Variants in TCP11 observed in about 807,000 individuals in gnomAD.
The protein encoded by TCP11 is T-complex protein 11 homolog.
A neutral mutation model predicts 45.0 loss-of-function variants in TCP11; 34 were observed. That is an observed-to-expected ratio of 0.76 (90% confidence interval 0.57 to 1.01). The LOEUF (loss-of-function observed/expected upper bound fraction) is 1.01, where lower values mean the gene tolerates loss of function less well. TCP11 is among the 50% of genes least tolerant of loss of function. The probability of loss-of-function intolerance (pLI) is 0.00; values close to 1 mark genes in which losing one functional copy is unlikely to be tolerated. For synonymous variants in TCP11, 227 were observed against 227.0 expected (o/e 1.00, Z 0.00); for missense variants, 523 against 598.1 (o/e 0.87, Z 1.31).
intron 5 of TCP11, 117 bp downstream of exon 5, chr6:35,122,000 G>T: frequency 2.1e-6 from 2 of 969,458 alleles, no homozygotes; most frequent in African/African-American, 1.6e-5. Context: ...AAGGGTGTTA[G>T]TCAGGTCTTT....
chr6:35,131,507 G>T (rs1295334617), intron 3 of TCP11, among the ~76,000 whole-genome samples: 2 of 152,088 alleles, frequency 1.3e-5, no homozygotes, highest in Non-Finnish European at 2.9e-5. Flanking sequence ...GGCGGAGGTT[G>T]CAGTGAGCCG....
chr6:35,140,224 C>G (rs1781567118), intron 2 of TCP11: 1 of 1,515,396 alleles, frequency 6.6e-7, no homozygotes, highest in East Asian at 2.6e-5. Context: ...TAGTTACGTT[C>G]TCTGGAGATT....
intron 3 of TCP11, among the ~76,000 whole-genome samples, chr6:35,133,271 G>A (rs966654407): frequency 2.6e-5 from 4 of 151,918 alleles, no homozygotes; most frequent in African/African-American, 9.7e-5. Context: ...TGACCTCCCA[G>A]GCTCAAGTAA....
chr6:35,139,211 A>AC (rs1781449138), intron 2 of TCP11, among the ~76,000 whole-genome samples: 2 of 151,940 alleles, frequency 1.3e-5, no homozygotes, highest in African/African-American at 4.8e-5. Context: ...TAAAAAAAAA[A>AC]AAACCCATCA....
chr6:35,141,225 G>T lies in TCP11; in HGVS notation c.-35C>A. The T allele has an allele frequency of 7.1e-7, 1 of 1,406,348 alleles. No individual in the cohort carries two copies. Among genetic ancestry groups the T allele is most frequent in the Non-Finnish European group, 9.2e-7 (1 of 1,082,212 alleles). The allele number at this position is 1,406,348 out of a possible 1,614,324, so 87.1% of individuals were successfully genotyped here. The stretch of plus-strand genomic sequence containing the variant: ...GTCACCTCCTCCTCCCCCGCCGCGG[G>T]TCATCCACTGGCGTCCGCTCGGTGG... On this transcript the variant is annotated 5_prime_UTR_variant, in exon 1 of 10. Coordinates refer to ENST00000311875, the MANE Select transcript of TCP11 (RefSeq NM_001370687.1).
intron 5 of TCP11, 38 bp from the exon 6 acceptor site, chr6:35,121,083 C>A: frequency 1.7e-5 from 26 of 1,558,600 alleles, no homozygotes; most frequent in Non-Finnish European, 2.1e-5. Context: ...TACTACTAAG[C>A]TAGAAACCCA....
Position 35,120,438 on chromosome 6 carries a change from C to T in TCP11, c.924G>A (p.Glu308=). 1 of 1,592,448 alleles carries T rather than the reference C, an allele frequency of 6.3e-7. No homozygotes were observed. The highest frequency in any genetic ancestry group is 8.6e-7 in the Non-Finnish European group (1 of 1,169,184). Residue 308 remains glutamate, a synonymous_variant, in exon 7 of 10, where the codon GAG becomes GAA. Coordinates refer to ENST00000311875, the MANE Select transcript of TCP11 (RefSeq NM_001370687.1). The surrounding 1 kb of genome is among the most constrained non-coding windows in gnomAD (Gnocchi z 4.9). ...NLLLWDLENE[E]FPETLLMDRT... is the part of the protein sequence containing the mutation. ...CCCCAGACATTCCTACCTCAGGGAA[C>T]TCTTCATTTTCAAGGTCCCAGAGAA...
chr6:35,118,636 A>C (rs1425267636), intron 9 of TCP11, 135 bp from the exon 10 acceptor site: 5 of 778,172 alleles, frequency 6.4e-6, no homozygotes, highest in Non-Finnish European at 1.0e-5. Context: ...GAGATAATGA[A>C]ATTTGTTTTG....
At chr6:35,138,051 A>C (rs1353398012) in intron 2 of TCP11, among the ~76,000 whole-genome samples, 1 of 152,216 alleles carries the variant, frequency 6.6e-6, no homozygotes, top group Non-Finnish European at 1.5e-5. Context: ...ATCTCACCCC[A>C]GTTAAAATGG....
rs1410064812 is a variant in TCP11, at chr6:35,120,666, G to C, written c.716-20C>G. ...GGAGACCTATGACAGGTAAGGGAGTGTGTAAGCATCTTTAGCATCTTCATC... is the reference window on the plus strand; with the variant it reads ...GGAGACCTATGACAGGTAAGGGAGTCTGTAAGCATCTTTAGCATCTTCATC... On this transcript the variant is annotated intron_variant, in intron 6 of 9. Coordinates refer to ENST00000311875, the MANE Select transcript of TCP11 (RefSeq NM_001370687.1). This position sits in a 1 kb window ranked among gnomAD's most constrained non-coding sequence, Gnocchi z 4.9. The C allele has an allele frequency of 6.2e-7, 1 of 1,602,226 alleles. No individual in the cohort carries two copies. The highest frequency in any genetic ancestry group is 1.7e-5 in the Admixed American group (1 of 58,690).
intron 4 of TCP11, 183 bp downstream of exon 4, chr6:35,128,879 A>G (rs753029281): frequency 1.2e-4 from 85 of 717,590 alleles, no homozygotes; most frequent in Middle Eastern, 4.3e-4. Flanking sequence ...CATTTCTCCT[A>G]CTCTCTGTTA....
At chr6:35,139,993 T>C in intron 2 of TCP11, 3 of 1,612,990 alleles carry the variant, frequency 1.9e-6, no homozygotes, top group Non-Finnish European at 2.5e-6. Flanking sequence ...AAATTGTGTG[T>C]ACAAAAAAAC....
intron 5 of TCP11, among the ~76,000 whole-genome samples, chr6:35,121,903 G>C (rs1779302496): frequency 6.7e-6 from 1 of 148,970 alleles, no homozygotes; most frequent in Non-Finnish European, 1.5e-5. Context: ...GTATTACAGA[G>C]GGGGGGCCCA....
In TCP11 at chr6:35,120,647, C is replaced by A; in HGVS notation, c.716-1G>T. The A allele has an allele frequency of 6.2e-7, 1 of 1,612,540 alleles. No individual in the cohort carries two copies. Among genetic ancestry groups the A allele is most frequent in the South Asian group, 1.1e-5 (1 of 90,778 alleles). ...CATTTGGTGGTGTGATTAAGGAGAC[C>A]TATGACAGGTAAGGGAGTGTGTAAG... On this transcript the variant is annotated splice_acceptor_variant, in intron 6 of 9. Coordinates refer to ENST00000311875, the MANE Select transcript of TCP11 (RefSeq NM_001370687.1). LOFTEE classifies it high-confidence loss of function. The surrounding 1 kb of genome is among the most constrained non-coding windows in gnomAD (Gnocchi z 4.9).
At chr6:35,127,260 T>C (rs6906666) in intron 4 of TCP11, among the ~76,000 whole-genome samples, 27,281 of 152,058 alleles carry the variant, frequency 0.18, 3,029 homozygotes, top group African/African-American at 0.29. Flanking sequence ...AGAAATTGGA[T>C]TGTGGCCACA....
intron 4 of TCP11, among the ~76,000 whole-genome samples, chr6:35,124,387 T>C (rs1342741672): frequency 6.6e-6 from 1 of 152,196 alleles, no homozygotes; most frequent in Non-Finnish European, 1.5e-5. Context: ...GAACCACACA[T>C]GGACCTTTAG....
Position 35,129,192 on chromosome 6 carries a change from G to A in TCP11, c.237-10C>T, listed in dbSNP as rs1780146873. The A allele has an allele frequency of 6.2e-7, 1 of 1,605,998 alleles. No homozygotes were observed. The highest frequency in any genetic ancestry group is 1.1e-5 in the South Asian group (1 of 89,378). On this transcript the variant is annotated splice_polypyrimidine_tract_variant and intron_variant, in intron 3 of 9. Coordinates refer to ENST00000311875, the MANE Select transcript of TCP11 (RefSeq NM_001370687.1). ...GACCTTGCCTTCCAGACTATAAGAG[G>A]GTTAAATGAGCAGATTACTCTCTCA...
At chr6:35,138,151 G>A (rs143159344) in intron 2 of TCP11, among the ~76,000 whole-genome samples, 6,937 of 152,194 alleles carry the variant, frequency 0.046, 334 homozygotes, top group African/African-American at 0.13. Context: ...ATGTAAATTA[G>A]TACAGCCACT....
chr6:35,141,288 C>T lies in TCP11; in HGVS notation c.-98G>A. The T allele has an allele frequency of 7.7e-7, 1 of 1,291,412 alleles. No homozygotes were observed. The highest frequency in any genetic ancestry group is 9.8e-7 in the Non-Finnish European group (1 of 1,020,184). 80.0% of individuals were successfully genotyped at this position (1,291,412 alleles called of 1,614,324 possible). ...GGCGGCCTGGAGCGTACCACCGCGG[C>T]GGAGCGGCGGGTTGGGGCGTCGCAC... On this transcript the variant is annotated 5_prime_UTR_variant, in exon 1 of 10. Transcript: ENST00000311875.
Sources: allele counts gnomAD v4.1 joint callset (sites outside exome capture counted in the v4.1 genomes callset), GRCh38; gene constraint gnomAD v4.1.1; non-coding constraint Gnocchi (gnomAD v3.1); transcripts MANE v1.5; gene names NCBI Gene and HGNC (gene_info 2026-07-23, HGNC 2026-07-21).